REDIC1: variants seen among roughly 807,000 people sequenced by gnomAD.
REDIC1 encodes the protein HEI10 Interacting Protein 1.
the REDIC1 span, among the ~76,000 whole-genome samples, chr12:39,649,944 G>A: frequency 1.3e-5 from 2 of 151,808 alleles, no homozygotes; most frequent in South Asian, 2.1e-4. Flanking sequence ...AGATCTTGGT[G>A]TCCTGGGTGT....
the REDIC1 span, among the ~76,000 whole-genome samples, chr12:39,697,627 G>A: frequency 2.4e-4 from 36 of 152,242 alleles, no homozygotes; most frequent in South Asian, 6.8e-3. Context: ...AAGTTAAGGG[G>A]TAGAGTTTTT....
the REDIC1 span, among the ~76,000 whole-genome samples, chr12:39,703,934 A>G: frequency 6.6e-6 from 1 of 152,218 alleles, no homozygotes; most frequent in Non-Finnish European, 1.5e-5. Flanking sequence ...TTCAAGATGG[A>G]TTAAAGACTT....
the REDIC1 span, among the ~76,000 whole-genome samples, chr12:39,753,336 A>G: frequency 1.3e-5 from 2 of 149,742 alleles, no homozygotes; most frequent in Admixed American, 1.3e-4. Flanking sequence ...ATCAGGTTTC[A>G]AAAATTACTT....
the REDIC1 span, among the ~76,000 whole-genome samples, chr12:39,700,865 C>T: frequency 6.6e-6 from 1 of 152,070 alleles, no homozygotes; most frequent in Non-Finnish European, 1.5e-5. Flanking sequence ...GAAATCAAAT[C>T]CTTTACAGAC....
the REDIC1 span, among the ~76,000 whole-genome samples, chr12:39,904,358 A>G: frequency 6.6e-6 from 1 of 152,116 alleles, no homozygotes; most frequent in Non-Finnish European, 1.5e-5. Flanking sequence ...CCATTTAGGA[A>G]AAGTTTTATA....
chr12:39,798,098 C>T, the REDIC1 span, among the ~76,000 whole-genome samples: 1 of 152,118 alleles, frequency 6.6e-6, no homozygotes, highest in Admixed American at 6.5e-5. Context: ...AAGCTAGCTA[C>T]CATGTTATGA....
At chr12:39,752,074 T>C in the REDIC1 span, among the ~76,000 whole-genome samples, 1 of 152,076 alleles carries the variant, frequency 6.6e-6, no homozygotes, top group Non-Finnish European at 1.5e-5. Flanking sequence ...GTTGATCACA[T>C]ACTATATGCC....
the REDIC1 span, among the ~76,000 whole-genome samples, chr12:39,815,007 A>G: frequency 6.6e-6 from 1 of 151,674 alleles, no homozygotes; most frequent in Non-Finnish European, 1.5e-5. Flanking sequence ...TTTCTCAGTG[A>G]TCTTAGATGG....
At chr12:39,892,964 A>G in the REDIC1 span, among the ~76,000 whole-genome samples, 1 of 152,218 alleles carries the variant, frequency 6.6e-6, no homozygotes, top group Non-Finnish European at 1.5e-5. Context: ...AAACCATATA[A>G]TCAGAAATAA....
chr12:39,895,256 C>T, the REDIC1 span, among the ~76,000 whole-genome samples: 7 of 151,558 alleles, frequency 4.6e-5, no homozygotes, highest in Non-Finnish European at 8.8e-5. Context: ...AAAAAAAGGC[C>T]GAGGCGGGCG....
chr12:39,695,901 C>T, the REDIC1 span, among the ~76,000 whole-genome samples: 2 of 152,134 alleles, frequency 1.3e-5, no homozygotes, highest in Non-Finnish European at 2.9e-5. Flanking sequence ...TGGCTGAGAA[C>T]AGAGAGAGAG....
chr12:39,665,133 A>G, the REDIC1 span, among the ~76,000 whole-genome samples: 1 of 152,050 alleles, frequency 6.6e-6, no homozygotes, highest in Non-Finnish European at 1.5e-5. Flanking sequence ...TGTTTTAGAC[A>G]TGAAGTCCTT....
the REDIC1 span, among the ~76,000 whole-genome samples, chr12:39,739,825 A>G: frequency 6.6e-6 from 1 of 152,188 alleles, no homozygotes; most frequent in African/African-American, 2.4e-5. Context: ...TTGGGAAGGC[A>G]TTGTGACTTG....
the REDIC1 span, among the ~76,000 whole-genome samples, chr12:39,864,502 A>G: frequency 6.6e-6 from 1 of 152,146 alleles, no homozygotes; most frequent in Non-Finnish European, 1.5e-5. Flanking sequence ...ATCAATCCCT[A>G]ATTTTAATTT....
At chr12:39,758,384 G>A in the REDIC1 span, 1 of 151,786 alleles carries the variant, frequency 6.6e-6, no homozygotes, top group South Asian at 2.1e-4. Flanking sequence ...CTTGGAGACT[G>A]GAAGAAATAT....
At chr12:39,898,274 ACT>A in the REDIC1 span, among the ~76,000 whole-genome samples, 2 of 152,054 alleles carry the variant, frequency 1.3e-5, no homozygotes, top group African/African-American at 4.8e-5. Flanking sequence ...AAAAGAAGAA[ACT>A]CTTTCGAAAA....
chr12:39,712,613 A>C, the REDIC1 span, among the ~76,000 whole-genome samples: 2 of 145,346 alleles, frequency 1.4e-5, no homozygotes, highest in Non-Finnish European at 3.0e-5. Flanking sequence ...ATATGTATAT[A>C]TAGATATGTG....
the REDIC1 span, among the ~76,000 whole-genome samples, chr12:39,811,335 T>C: frequency 6.6e-6 from 1 of 152,088 alleles, no homozygotes; most frequent in Non-Finnish European, 1.5e-5. Context: ...ATTATATCTT[T>C]CCTTCTAATT....
At chr12:39,781,239 T>C in the REDIC1 span, among the ~76,000 whole-genome samples, 1 of 152,198 alleles carries the variant, frequency 6.6e-6, no homozygotes, top group African/African-American at 2.4e-5. Flanking sequence ...GGTGAGTGAA[T>C]AGCTTAACAG....
Sources: gnomAD v4.1 joint callset for allele counts (sites outside exome capture counted in the v4.1 genomes callset) on GRCh38, gnomAD v4.1.1 for gene constraint, MANE v1.5 for transcripts, NCBI Gene and HGNC (gene_info 2026-07-23, HGNC 2026-07-21) for gene names.